The following PTPRD variants were observed in gnomAD, a reference collection of about 807,000 sequenced individuals.
PTPRD encodes receptor-type tyrosine-protein phosphatase delta.
PTPRD carries 34 observed loss-of-function variants against 214.5 expected under a neutral mutation model. The ratio of observed to expected loss-of-function variants is 0.16; its 90% CI spans 0.12 to 0.21. The LOEUF (loss-of-function observed/expected upper bound fraction) is 0.21, where lower values mean the gene tolerates loss of function less well. PTPRD is among the 10% of genes least tolerant of loss of function. PTPRD has a pLI of 1.00. For synonymous variants in PTPRD, 1,128 were observed against 845.7 expected (o/e 1.33, Z -5.79); for missense variants, 2,545 against 2,398.7 (o/e 1.06, Z -1.27).
At chr9:9,349,047 G>T (rs2050066265) in intron 9 of PTPRD, among the ~76,000 whole-genome samples, 1 of 152,080 alleles carries the variant, frequency 6.6e-6, no homozygotes, top group Non-Finnish European at 1.5e-5. Flanking sequence ...TACTATTACA[G>T]TGGCGGGCGG....
chr9:10,327,426 C>T (rs1414739310), intron 3 of PTPRD, among the ~76,000 whole-genome samples: 1 of 151,336 alleles, frequency 6.6e-6, no homozygotes, highest in Non-Finnish European at 1.5e-5. Context: ...TCTATCACTT[C>T]CCAATAATTG....
At chr9:9,543,753 T>A (rs1048703570) in intron 8 of PTPRD, among the ~76,000 whole-genome samples, 1 of 151,642 alleles carries the variant, frequency 6.6e-6, no homozygotes, top group African/African-American at 2.4e-5. Context: ...CTAGGCTACT[T>A]CTTTATAATC....
At chr9:9,621,219 G>A (rs912435034) in intron 7 of PTPRD, among the ~76,000 whole-genome samples, 1 of 152,140 alleles carries the variant, frequency 6.6e-6, no homozygotes, top group Admixed American at 6.5e-5. Flanking sequence ...ATTCACAAAG[G>A]ACAATATGCC....
intron 5 of PTPRD, among the ~76,000 whole-genome samples, chr9:9,895,445 T>C (rs75054826): frequency 0.077 from 11,703 of 152,058 alleles, 778 homozygotes; most frequent in African/African-American, 0.18. Context: ...TTTCTTTTCT[T>C]TTTAAAATTT....
chr9:8,683,082 A>T (rs2097582030), intron 12 of PTPRD, among the ~76,000 whole-genome samples: 1 of 152,178 alleles, frequency 6.6e-6, no homozygotes, highest in African/African-American at 2.4e-5. Flanking sequence ...TCCACATCTT[A>T]ACTTTTGTAA....
intron 2 of PTPRD, among the ~76,000 whole-genome samples, chr9:10,592,140 T>A (rs2132945868): frequency 6.6e-6 from 1 of 152,146 alleles, no homozygotes; most frequent in South Asian, 2.1e-4. Context: ...GCAAGAAAGT[T>A]ATTTTGCCAA....
chr9:10,448,698 G>A (rs184381676), intron 2 of PTPRD, among the ~76,000 whole-genome samples: 23 of 151,954 alleles, frequency 1.5e-4, no homozygotes, highest in Admixed American at 1.5e-3. Flanking sequence ...AGGATGTTTA[G>A]TTAACTTGGC....
At chr9:9,842,772 C>A (rs965917564) in intron 5 of PTPRD, among the ~76,000 whole-genome samples, 2 of 151,658 alleles carry the variant, frequency 1.3e-5, no homozygotes, top group Non-Finnish European at 2.9e-5. Flanking sequence ...GTGGCCCACA[C>A]AGTCCACATG....
chr9:10,457,470 G>A (rs1009317771), intron 2 of PTPRD, among the ~76,000 whole-genome samples: 7 of 151,966 alleles, frequency 4.6e-5, no homozygotes, highest in African/African-American at 1.4e-4. Flanking sequence ...GTCTTCACGT[G>A]TATTAGTAGT....
chr9:8,417,310 T>A (rs937558571), intron 35 of PTPRD, among the ~76,000 whole-genome samples: 1 of 152,118 alleles, frequency 6.6e-6, no homozygotes, highest in Non-Finnish European at 1.5e-5. Context: ...CCAACAGTGC[T>A]GCCCCAAAAC....
chr9:9,110,072 C>G (rs2154448490), intron 10 of PTPRD, among the ~76,000 whole-genome samples: 1 of 152,138 alleles, frequency 6.6e-6, no homozygotes. Flanking sequence ...TTCATGGCTC[C>G]TTTCACAGAA....
chr9:9,278,271 G>A (rs1216340491), intron 9 of PTPRD, among the ~76,000 whole-genome samples: 1 of 151,118 alleles, frequency 6.6e-6, no homozygotes, highest in Non-Finnish European at 1.5e-5. Context: ...TTAATAGACT[G>A]GCATTTTCAG....
At chr9:10,064,518 T>C (rs1297933666) in intron 3 of PTPRD, among the ~76,000 whole-genome samples, 3 of 151,962 alleles carry the variant, frequency 2.0e-5, no homozygotes, top group Non-Finnish European at 4.4e-5. Context: ...CATCAGGGGA[T>C]TGTGGTTAAT....
At chr9:9,479,477 G>C (rs1259929839) in intron 8 of PTPRD, among the ~76,000 whole-genome samples, 1 of 151,852 alleles carries the variant, frequency 6.6e-6, no homozygotes, top group African/African-American at 2.4e-5. Context: ...TTCAAACCTT[G>C]TATCAATTAA....
chr9:10,459,219 G>T (rs938312025), intron 2 of PTPRD, among the ~76,000 whole-genome samples: 1 of 152,272 alleles, frequency 6.6e-6, no homozygotes, highest in South Asian at 2.1e-4. Context: ...CCCTGCAAAA[G>T]ACATGAACTT....
chr9:9,421,607 C>T (rs1352822929), intron 8 of PTPRD, among the ~76,000 whole-genome samples: 1 of 152,050 alleles, frequency 6.6e-6, no homozygotes, highest in Non-Finnish European at 1.5e-5. Context: ...TAGCAATACA[C>T]CACTTGGGAT....
chr9:8,804,277 T>C (rs1156357692), intron 11 of PTPRD, among the ~76,000 whole-genome samples: 1 of 151,810 alleles, frequency 6.6e-6, no homozygotes, highest in Non-Finnish European at 1.5e-5. Context: ...ATAACACAAA[T>C]CTATAGGCAC....
chr9:8,575,688 T>G (rs1040747920), intron 14 of PTPRD, among the ~76,000 whole-genome samples: 2 of 152,208 alleles, frequency 1.3e-5, no homozygotes, highest in Admixed American at 1.3e-4. Flanking sequence ...AAGGCTCACT[T>G]TTTGCTCAAG....
At chr9:8,735,222 C>A (rs2089959863) in intron 11 of PTPRD, among the ~76,000 whole-genome samples, 1 of 149,658 alleles carries the variant, frequency 6.7e-6, no homozygotes, top group Admixed American at 6.8e-5. Context: ...CGGCTCACTG[C>A]AAACGCTGCT....
Sources: allele counts gnomAD v4.1 joint callset (sites outside exome capture counted in the v4.1 genomes callset), GRCh38; gene constraint gnomAD v4.1.1; transcripts MANE v1.5; gene names NCBI Gene and HGNC (gene_info 2026-07-23, HGNC 2026-07-21).